CHAMP1: variants seen among roughly 807,000 people sequenced by gnomAD.
CHAMP1 encodes chromosome alignment-maintaining phosphoprotein 1.
A neutral mutation model predicts 54.5 loss-of-function variants in CHAMP1; 4 were observed. That is an observed-to-expected ratio of 0.07 (90% CI 0.04 to 0.17). CHAMP1 has a LOEUF of 0.17. Among genes scored for constraint, CHAMP1 ranks in the 10% least tolerant of loss-of-function variants. CHAMP1 has a pLI of 1.00. For synonymous variants in CHAMP1, 368 were observed against 342.2 expected, an observed-to-expected ratio of 1.08 and a Z score of -0.83; for missense variants, 994 against 968.6, an observed-to-expected ratio of 1.03 and a Z score of -0.35.
At chr13:114,317,261 A>C (rs1025269970) in intron 1 of CHAMP1, among the ~76,000 whole-genome samples, 1 of 152,028 alleles carries the variant, frequency 6.6e-6, no homozygotes, top group African/African-American at 2.4e-5. Context: ...CTGTCCTCAA[A>C]TGATCCGCCT....
chr13:114,317,910 G>A (rs1205193793), intron 1 of CHAMP1, among the ~76,000 whole-genome samples: 1 of 152,176 alleles, frequency 6.6e-6, no homozygotes, highest in Non-Finnish European at 1.5e-5. Flanking sequence ...TTAGAGACGA[G>A]ATGTAATCTG....
rs782000882 is a variant in CHAMP1 at position 114,326,326 on chromosome 13, C to T, written c.*45C>T. ...GTTCTACAAAGGTGTTTGTTGGAAC[C>T]ATTCTTTGTAAGTATAGCTTATCAG... is the stretch of plus-strand genomic sequence containing the variant. On this transcript the variant is annotated 3_prime_UTR_variant, in exon 3 of 3. Coordinates refer to ENST00000361283, the MANE Select transcript of CHAMP1 (RefSeq NM_032436.4). 2.6e-6 allele frequency: 4 copies of T among 1,520,834 alleles called. No individual in the cohort carries two copies. Among genetic ancestry groups the T allele is most frequent in the Admixed American group, 4.5e-5 (2 of 44,502 alleles). 94.2% of individuals were successfully genotyped at this position (1,520,834 alleles called of 1,614,324 possible).
chr13:114,322,493 G>T (rs1555379216), intron 2 of CHAMP1: 1 of 152,144 alleles, frequency 6.6e-6, no homozygotes, highest in Non-Finnish European at 1.5e-5. Flanking sequence ...ACACAATAGT[G>T]AAATACTAGC....
At position 114,326,393 on chromosome 13, in the gene CHAMP1, T is replaced by G; in HGVS notation, c.*112T>G. Reference sequence around the variant, plus strand: ...AGTAGATGACATGTATGGTGTACCGTGTTTCACTGTCTCAGTTGTGTTACT... The same window carrying G: ...AGTAGATGACATGTATGGTGTACCGGGTTTCACTGTCTCAGTTGTGTTACT... On this transcript the variant is annotated 3_prime_UTR_variant, in exon 3 of 3. Coordinates refer to ENST00000361283, the MANE Select transcript of CHAMP1 (RefSeq NM_032436.4). The G allele has an allele frequency of 1.6e-6, 2 of 1,222,524 alleles. No individual in the cohort carries two copies. The highest frequency in any genetic ancestry group is 3.6e-5 in the South Asian group (2 of 55,860). The allele number at this position is 1,222,524 out of a possible 1,614,324, so 75.7% of individuals were successfully genotyped here. A position where few individuals can be genotyped will look rare whatever the true frequency, so the allele number is the denominator to read the frequency against.
At chr13:114,314,790 C>T (rs970703897) in intron 1 of CHAMP1, 147 bp downstream of exon 1, 2 of 151,878 alleles carry the variant, frequency 1.3e-5, no homozygotes, top group African/African-American at 4.8e-5. Flanking sequence ...CCACACGGCC[C>T]GAGGGAAGGG....
Position 114,326,231 on chromosome 13 carries a change from A to G in CHAMP1, c.2389A>G (p.Lys797Glu). 6.3e-7 allele frequency: 1 copy of G among 1,595,770 alleles called. No homozygotes were observed. The highest frequency in any genetic ancestry group is 8.5e-7 in the Non-Finnish European group (1 of 1,171,468). The stretch of plus-strand genomic sequence containing the variant: ...AAGCCGGCATAATGAAGAGGCAAAT[A>G]AAAAGCTAATGGAAGCTCTTGAACC... Reference protein sequence around the residue: ...CQSRHNEEANKKLMEALEPPL... With the variant: ...CQSRHNEEANEKLMEALEPPL... The change falls in exon 3 of 3, where the codon AAA becomes GAA. Residue 797 changes from lysine to glutamate, a missense_variant. By Grantham distance (56) the Lys-to-Glu change is moderately conservative. This residue lies in a region of CHAMP1 where 59 missense variants were observed against 146.7 expected (regional missense o/e 0.40). Transcript: ENST00000361283.
At chr13:114,314,919 C>G (rs2087076619) in intron 1 of CHAMP1, among the ~76,000 whole-genome samples, 1 of 152,206 alleles carries the variant, frequency 6.6e-6, no homozygotes, top group Admixed American at 6.5e-5. Context: ...TTGAGGGCGG[C>G]ACAAGACGAA....
chr13:114,324,713 A>C lies in CHAMP1; in HGVS notation c.871A>C (p.Lys291Gln). 3 of 1,613,708 alleles carry C rather than the reference A, an allele frequency of 1.9e-6. No individual in the cohort carries two copies. Among genetic ancestry groups the C allele is most frequent in the Non-Finnish European group, 2.5e-6 (3 of 1,179,792 alleles). ...PSPSESPEPW[K>Q]PFPAVSPEPR... ...CCCTTCAGAGTCTCCTGAACCTTGG[A>C]AGCCGTTCCCTGCTGTCTCCCCAGA... The change falls in exon 3 of 3, where the codon AAG (lysine) becomes CAG (glutamine). Residue 291 changes from lysine to glutamine, a missense_variant. Lys to Gln is a moderately conservative substitution (Grantham distance 53). Transcript: ENST00000361283.
chr13:114,325,820 G>C lies in CHAMP1; in HGVS notation c.1978G>C (p.Val660Leu), dbSNP rs782781084. 3.7e-6 allele frequency: 6 copies of C among 1,614,074 alleles called. No homozygotes were observed. The East Asian group carries it at 1.3e-4, about 36-fold the overall frequency. The part of the protein sequence containing the change: ...ESSSDQEQVD[V>L]ESIDFSKENK... ...AAGCAGTGATCAAGAGCAGGTTGATGTGGAATCCATTGATTTTAGCAAAGA... is the reference window on the plus strand; with the variant it reads ...AAGCAGTGATCAAGAGCAGGTTGATCTGGAATCCATTGATTTTAGCAAAGA... Residue 660 changes from valine (V) to leucine (L), a missense_variant, in exon 3 of 3, where the codon GTG (valine) becomes CTG (leucine). Val to Leu is a conservative substitution (Grantham distance 32). Transcript: ENST00000361283.
rs782382113 is a variant in CHAMP1, at chr13:114,326,318, G to T, written c.*37G>T. The T allele has an allele frequency of 6.5e-7, 1 of 1,528,556 alleles. No individual in the cohort carries two copies. The highest frequency in any genetic ancestry group is 8.8e-7 in the Non-Finnish European group (1 of 1,141,870). 94.7% of individuals were successfully genotyped at this position (1,528,556 alleles called of 1,614,324 possible). ...GAATATTTGTTCTACAAAGGTGTTTGTTGGAACCATTCTTTGTAAGTATAG... is the reference window on the plus strand; with the variant it reads ...GAATATTTGTTCTACAAAGGTGTTTTTTGGAACCATTCTTTGTAAGTATAG... On this transcript the variant is annotated 3_prime_UTR_variant, in exon 3 of 3. Coordinates refer to ENST00000361283, the MANE Select transcript of CHAMP1 (RefSeq NM_032436.4).
At chr13:114,319,802 G>C (rs2087145413) in intron 1 of CHAMP1, among the ~76,000 whole-genome samples, 1 of 152,214 alleles carries the variant, frequency 6.6e-6, no homozygotes, top group African/African-American at 2.4e-5. Flanking sequence ...GAGTTTGCCT[G>C]ATGGCCGGGT....
chr13:114,323,780 T>C lies in CHAMP1; in HGVS notation c.-55-8T>C, dbSNP rs1555379294. On this transcript the variant is annotated splice_region_variant and splice_polypyrimidine_tract_variant and intron_variant, in intron 2 of 2. Coordinates refer to ENST00000361283, the MANE Select transcript of CHAMP1 (RefSeq NM_032436.4). ...TCATGAAAATAATTTATTCCTACTTTATTGCAGCAGTATTGAAAGTTTTTA... is the reference window on the plus strand; with the variant it reads ...TCATGAAAATAATTTATTCCTACTTCATTGCAGCAGTATTGAAAGTTTTTA... The C allele has an allele frequency of 2.0e-6, 3 of 1,515,508 alleles. No individual in the cohort carries two copies. The African/African-American group carries it at 4.2e-5, about 21-fold the overall frequency. The allele number at this position is 1,515,508 out of a possible 1,614,324, so 93.9% of individuals were successfully genotyped here. A position where few individuals can be genotyped will look rare whatever the true frequency, so the allele number is the denominator to read the frequency against.
intron 1 of CHAMP1, among the ~76,000 whole-genome samples, chr13:114,315,558 A>G (rs1407712447): frequency 3.3e-5 from 5 of 152,236 alleles, no homozygotes; most frequent in Non-Finnish European, 7.3e-5. Context: ...ACATGCTGCA[A>G]TATAAACGAA....
At chr13:114,322,268 G>A (rs563125869) in intron 2 of CHAMP1, 3 of 152,126 alleles carry the variant, frequency 2.0e-5, no homozygotes, top group South Asian at 2.1e-4. Context: ...TTGATCTCCC[G>A]ACCTCGTGAT....
At chr13:114,315,819 T>G (rs561344552) in intron 1 of CHAMP1, among the ~76,000 whole-genome samples, 98 of 152,076 alleles carry the variant, frequency 6.4e-4, no homozygotes, top group Non-Finnish European at 1.1e-3. Context: ...TTAAAAATGA[T>G]TAAATGGCAA....
At position 114,324,671 on chromosome 13, in the gene CHAMP1, G is replaced by A; in HGVS notation, c.829G>A (p.Glu277Lys). The A allele has an allele frequency of 6.2e-7, 1 of 1,613,880 alleles. No individual in the cohort carries two copies. Among genetic ancestry groups the A allele is most frequent in the Non-Finnish European group, 8.5e-7 (1 of 1,179,952 alleles). ...GAAGTCAGCCCGGACTACCTCCCCT[G>A]AGCCAAGGAAGCCATCCCCTTCAGA... ...SRKSARTTSP[E>K]PRKPSPSESP... Residue 277 changes from glutamate to lysine, a missense_variant, in exon 3 of 3, where the codon GAG (glutamate) becomes AAG (lysine). Around this residue, in one of 3 missense-constraint regions of CHAMP1, gnomAD observed 851 missense variants for 701.3 expected, o/e 1.21. Coordinates refer to ENST00000361283, the MANE Select transcript of CHAMP1 (RefSeq NM_032436.4).
At chr13:114,316,237 C>T (rs184718996) in intron 1 of CHAMP1, among the ~76,000 whole-genome samples, 57 of 150,990 alleles carry the variant, frequency 3.8e-4, no homozygotes, top group Admixed American at 5.9e-4. Flanking sequence ...GATCTTGGCC[C>T]ACTGCAGCCT....
Position 114,323,870 on chromosome 13 carries a change from C to A in CHAMP1, c.28C>A (p.Pro10Thr). 2 of 1,607,316 alleles carry A rather than the reference C, an allele frequency of 1.2e-6. No homozygotes were observed. The highest frequency in any genetic ancestry group is 2.7e-5 in the African/African-American group (2 of 74,852). ...GGAAGCATTCCAGGAACTTCGTAAA[C>A]CATCAGCACGTTTGGAGTGTGACCA... Reference protein sequence around the residue: MEAFQELRKPSARLECDHCS... With the variant: MEAFQELRKTSARLECDHCS... Residue 10 changes from proline to threonine, a missense_variant, in exon 3 of 3, where the codon CCA becomes ACA. Physicochemically the swap from Pro to Thr is conservative, Grantham distance 38 (BLOSUM62 -1). Around this residue, in one of 3 missense-constraint regions of CHAMP1, gnomAD observed 84 missense variants for 120.7 expected, o/e 0.70. Coordinates refer to ENST00000361283, the MANE Select transcript of CHAMP1 (RefSeq NM_032436.4).
chr13:114,321,116 C>T lies in CHAMP1; in HGVS notation c.-172C>T, dbSNP rs2087164595. 8.0e-6 allele frequency: 1 copy of T among 124,332 alleles called. No homozygotes were observed. The highest frequency in any genetic ancestry group is 1.6e-5 in the Non-Finnish European group (1 of 61,210). 7.7% of individuals were successfully genotyped at this position (124,332 alleles called of 1,614,324 possible). On this transcript the variant is annotated 5_prime_UTR_variant, in exon 2 of 3. Transcript: ENST00000361283. ...TTTTTTTTTTTTTTTCCAGGTTCAACTTCTCATCTTTGTTCTTCTTCATAT... is the reference window on the plus strand; with the variant it reads ...TTTTTTTTTTTTTTTCCAGGTTCAATTTCTCATCTTTGTTCTTCTTCATAT...
Sources: allele counts gnomAD v4.1 joint callset (sites outside exome capture counted in the v4.1 genomes callset), GRCh38; gene constraint gnomAD v4.1.1; regional missense constraint gnomAD v4.1.1; transcripts MANE v1.5; gene names NCBI Gene and HGNC (gene_info 2026-07-23, HGNC 2026-07-21).